Variants in MYOCD observed in about 807,000 individuals in gnomAD.
The protein encoded by MYOCD is myocardin.
In MYOCD, 32 loss-of-function variants were observed where a neutral mutation model predicts 96.1. That is an observed-to-expected ratio of 0.33 (90% CI 0.25 to 0.45). The LOEUF (loss-of-function observed/expected upper bound fraction) is 0.45. Among genes scored for constraint, MYOCD ranks in the 20% least tolerant of loss-of-function variants. The pLI is 1.00. For synonymous variants in MYOCD, 469 were observed against 469.0 expected (o/e 1.00, Z 0.00); for missense variants, 1,133 against 1,200.6 (o/e 0.94, Z 0.83).
At chr17:12,761,522 G>A (rs1259609458) in intron 13 of MYOCD, 2 of 150,972 alleles carry the variant, frequency 1.3e-5, no homozygotes, top group African/African-American at 4.9e-5. Context: ...GGAAGAGATG[G>A]GTACAAACAT....
At chr17:12,738,282 C>T (rs931161002) in intron 6 of MYOCD, among the ~76,000 whole-genome samples, 12 of 152,190 alleles carry the variant, frequency 7.9e-5, no homozygotes, top group Admixed American at 7.2e-4. Context: ...CAGGGAAGAA[C>T]TGCAAAGCTC....
intron 1 of MYOCD, among the ~76,000 whole-genome samples, chr17:12,668,265 CCTT>C (rs539834281): frequency 7.3e-5 from 11 of 151,664 alleles, no homozygotes; most frequent in Middle Eastern, 3.2e-3. Flanking sequence ...TTCTTCTCCT[CCTT>C]CTCTTTCAAA....
chr17:12,679,992 T>C (rs1910352293), intron 1 of MYOCD, among the ~76,000 whole-genome samples: 1 of 152,238 alleles, frequency 6.6e-6, no homozygotes, highest in Admixed American at 6.5e-5. Context: ...TTTTTCAAAT[T>C]TTCTATAATG....
At chr17:12,700,071 G>T (rs975619522) in intron 1 of MYOCD, among the ~76,000 whole-genome samples, 3 of 151,554 alleles carry the variant, frequency 2.0e-5, no homozygotes, top group Admixed American at 6.6e-5. Context: ...ACCAGGCCTG[G>T]CTAATTTTTT....
At chr17:12,694,881 CAAAAAAAA>C (rs201215491) in intron 1 of MYOCD, among the ~76,000 whole-genome samples, 5,073 of 69,688 alleles carry the variant, frequency 0.073, 152 homozygotes, top group Middle Eastern at 0.17. Context: ...AAGGAATAAC[CAAAAAAAA>C]AAAAAAAAAA....
intron 1 of MYOCD, among the ~76,000 whole-genome samples, chr17:12,682,742 G>A (rs540294171): frequency 3.7e-4 from 56 of 152,254 alleles, no homozygotes; most frequent in African/African-American, 1.3e-3. Context: ...TGTCAGAAGT[G>A]TACGTTTTGC....
rs1450146276 is a variant in MYOCD at position 12,764,970 on chromosome 17, A to G, written c.*1326A>G. The stretch of plus-strand genomic sequence containing the variant: ...TTCTATTCTCGTTTAGTTTTCAAGA[A>G]ATTATTGGTTTGTGTTGCTCTGGGG... On this transcript the variant is annotated 3_prime_UTR_variant, in exon 14 of 14. Coordinates refer to ENST00000425538, the MANE Select transcript of MYOCD (RefSeq NM_001146312.3). The G allele has an allele frequency of 6.6e-6, 1 of 152,196 alleles. No homozygotes were observed. Among genetic ancestry groups the G allele is most frequent in the East Asian group, 1.9e-4 (1 of 5,202 alleles). 9.4% of individuals were successfully genotyped at this position (152,196 alleles called of 1,614,324 possible). A position where few individuals can be genotyped will look rare whatever the true frequency, so the allele number is the denominator to read the frequency against.
intron 1 of MYOCD, among the ~76,000 whole-genome samples, chr17:12,666,956 G>T (rs1222869404): frequency 6.6e-6 from 1 of 152,196 alleles, no homozygotes; most frequent in Non-Finnish European, 1.5e-5. Flanking sequence ...CCCATGGAAG[G>T]TGTCTGTGTG....
intron 1 of MYOCD, among the ~76,000 whole-genome samples, chr17:12,697,360 T>TATATATATATATATA (rs1491327089): frequency 1.8e-4 from 7 of 39,196 alleles, no homozygotes; most frequent in East Asian, 1.7e-3. Flanking sequence ...TATATATATA[T>TATATATATATATATA]TTTTTTTTTT....
chr17:12,708,804 A>G (rs1339827605), intron 2 of MYOCD, among the ~76,000 whole-genome samples: 1 of 152,016 alleles, frequency 6.6e-6, no homozygotes, highest in Non-Finnish European at 1.5e-5. Context: ...ACCCCTTCCT[A>G]TTGTGGAGGA....
At chr17:12,750,317 A>G (rs909657049) in intron 9 of MYOCD, among the ~76,000 whole-genome samples, 3 of 152,134 alleles carry the variant, frequency 2.0e-5, no homozygotes, top group African/African-American at 7.2e-5. Flanking sequence ...ATTTCCAACT[A>G]GCTCCCAGGC....
At chr17:12,754,114 T>A (rs1003262820) in intron 10 of MYOCD, among the ~76,000 whole-genome samples, 4 of 149,728 alleles carry the variant, frequency 2.7e-5, no homozygotes, top group Non-Finnish European at 5.9e-5. Flanking sequence ...AGTTTGCAAC[T>A]GTTTTTTTGA....
In MYOCD at chr17:12,733,078, C is replaced by T. The variant is rs4792275; in HGVS notation, c.416-3083C>T. On this transcript the variant is annotated intron_variant, in intron 5 of 13. Transcript: ENST00000425538. ...ATAATCCCAGCACTTTGGGAGGCTA[C>T]AGCAGGTGGATCACGAGGTCAGGAG... is the stretch of plus-strand genomic sequence containing the variant. Among the ~76,000 whole-genome samples the T allele has an allele frequency of 7.7e-3, 1,172 of 151,940 alleles. 18 individuals carry two copies. The highest frequency in any genetic ancestry group is 0.031 in the Admixed American group (470 of 15,278).
chr17:12,710,395 A>G, intron 2 of MYOCD: 2 of 526,582 alleles, frequency 3.8e-6, no homozygotes, highest in Non-Finnish European at 4.9e-6. Context: ...GGCCAGAATG[A>G]AATGTCTGGG....
At position 12,739,288 on chromosome 17, in the gene MYOCD, G is replaced by C. The variant is rs1418893390; in HGVS notation, c.677G>C (p.Gly226Ala). 1 of 1,607,742 alleles carries C rather than the reference G, an allele frequency of 6.2e-7. No homozygotes were observed. The highest frequency in any genetic ancestry group is 1.3e-5 in the African/African-American group (1 of 74,768). ...HQSDAGKQGL[G>A]PPSTPIAVHA... is the part of the protein sequence containing the mutation. Reference sequence around the variant, plus strand: ...TCAGATGCGGGGAAGCAGGGGCTTGGCCCCCCCAGCACCCCCATAGCCGTG... The same window carrying C: ...TCAGATGCGGGGAAGCAGGGGCTTGCCCCCCCCAGCACCCCCATAGCCGTG... The change falls in exon 7 of 14, where the codon GGC becomes GCC. Residue 226 changes from glycine (G) to alanine (A), a missense_variant. Gly to Ala is a moderately conservative substitution (Grantham distance 60). Coordinates refer to ENST00000425538, the MANE Select transcript of MYOCD (RefSeq NM_001146312.3).
At chr17:12,695,023 T>C (rs560463816) in intron 1 of MYOCD, among the ~76,000 whole-genome samples, 1 of 152,138 alleles carries the variant, frequency 6.6e-6, no homozygotes, top group South Asian at 2.1e-4. Context: ...GGAACCCTTA[T>C]AATGTGATCC....
Position 12,720,070 on chromosome 17 carries a change from C to T in MYOCD, c.253+2649C>T, listed in dbSNP as rs143573837. Among the ~76,000 whole-genome samples the T allele has an allele frequency of 3.3e-3, 496 of 152,014 alleles. 4 individuals are homozygous for T. Among genetic ancestry groups the T allele is most frequent in the African/African-American group, 0.012 (481 of 41,440 alleles). ...CAGGAATATTGAAAATGGCGTCTCC[C>T]GCTCTTTTCCTTGTCACCACGTTTA... On this transcript the variant is annotated intron_variant, in intron 4 of 13. Transcript: ENST00000425538.
chr17:12,666,144 C>T lies in MYOCD; in HGVS notation c.-45C>T. ...CCGGGAGCCTGTTGCTGGTGGAGAACAGGGGGCGCCTGGCCAAGGGACCAG... is the reference window on the plus strand; with the variant it reads ...CCGGGAGCCTGTTGCTGGTGGAGAATAGGGGGCGCCTGGCCAAGGGACCAG... On this transcript the variant is annotated 5_prime_UTR_variant, in exon 1 of 14. Coordinates refer to ENST00000425538, the MANE Select transcript of MYOCD (RefSeq NM_001146312.3). The T allele has an allele frequency of 6.5e-7, 1 of 1,534,530 alleles. No homozygotes were observed. Among genetic ancestry groups the T allele is most frequent in the South Asian group, 1.1e-5 (1 of 88,832 alleles).
At chr17:12,746,397 G>A (rs1031753140) in intron 9 of MYOCD, among the ~76,000 whole-genome samples, 1 of 152,194 alleles carries the variant, frequency 6.6e-6, no homozygotes. Context: ...AGGGCAGAAG[G>A]TGGAAGGGCA....
Sources: gnomAD v4.1 joint callset for allele counts (sites outside exome capture counted in the v4.1 genomes callset) on GRCh38, gnomAD v4.1.1 for gene constraint, MANE v1.5 for transcripts, NCBI Gene and HGNC (gene_info 2026-07-23, HGNC 2026-07-21) for gene names.